The following DPP10 variants were observed in gnomAD, a reference collection of about 807,000 sequenced individuals.
DPP10 encodes the protein inactive dipeptidyl peptidase 10.
A neutral mutation model predicts 120.9 loss-of-function variants in DPP10; 33 were observed. The observed-to-expected ratio is 0.27, with a 90% CI of 0.21 to 0.37. The LOEUF is 0.37. Among genes scored for constraint, DPP10 ranks in the 10% least tolerant of loss-of-function variants. The pLI is 1.00. For missense variants in DPP10, 816 were observed against 942.8 expected (o/e 0.87, Z 1.76); for synonymous variants, 337 against 326.1 (o/e 1.03, Z -0.36).
chr2:115,351,449 C>T (rs1034588177), intron 3 of DPP10, among the ~76,000 whole-genome samples: 1 of 151,964 alleles, frequency 6.6e-6, no homozygotes, highest in Non-Finnish European at 1.5e-5. Flanking sequence ...TAACTGGGAT[C>T]AATGAAGTCC....
chr2:115,381,809 G>T (rs2066388860), intron 3 of DPP10, among the ~76,000 whole-genome samples: 1 of 151,392 alleles, frequency 6.6e-6, no homozygotes, highest in African/African-American at 2.4e-5. Flanking sequence ...GGAGTACCCG[G>T]CCCTGTGAAG....
intron 1 of DPP10, among the ~76,000 whole-genome samples, chr2:114,465,111 C>G (rs11685217): frequency 0.065 from 9,870 of 152,082 alleles, 551 homozygotes; most frequent in African/African-American, 0.15. Flanking sequence ...TCAGAGACCT[C>G]GGTTCAGATT....
intron 1 of DPP10, among the ~76,000 whole-genome samples, chr2:115,241,628 T>C (rs1163048273): frequency 6.6e-6 from 1 of 152,212 alleles, no homozygotes; most frequent in Non-Finnish European, 1.5e-5. Context: ...GGCATCATCA[T>C]GAGAGAGACA....
intron 1 of DPP10, among the ~76,000 whole-genome samples, chr2:114,477,956 T>G (rs958721999): frequency 6.7e-6 from 1 of 149,486 alleles, no homozygotes; most frequent in African/African-American, 2.5e-5. Flanking sequence ...TACATATATG[T>G]GTGTATATGT....
intron 7 of DPP10, among the ~76,000 whole-genome samples, chr2:115,721,087 G>T (rs2092638207): frequency 6.6e-6 from 1 of 152,150 alleles, no homozygotes; most frequent in South Asian, 2.1e-4. Flanking sequence ...TCAAGTGGGA[G>T]ATACTAAAAC....
At chr2:115,735,246 A>G (rs921975147) in intron 8 of DPP10, among the ~76,000 whole-genome samples, 9 of 152,142 alleles carry the variant, frequency 5.9e-5, no homozygotes, top group African/African-American at 1.9e-4. Context: ...CTCATCTGCT[A>G]TTGTTTCATT....
intron 2 of DPP10, among the ~76,000 whole-genome samples, chr2:115,316,282 C>T (rs1042219072): frequency 2.0e-5 from 3 of 152,188 alleles, no homozygotes; most frequent in South Asian, 4.1e-4. Context: ...CTCGATCACT[C>T]TCTCAGGCAC....
intron 16 of DPP10, 125 bp downstream of exon 16, chr2:115,781,120 G>A (rs903227441): frequency 5.6e-6 from 4 of 709,962 alleles, no homozygotes; most frequent in Non-Finnish European, 8.4e-6. Context: ...TTTGTTAATA[G>A]GATATACATT....
chr2:114,887,909 G>A (rs1692202662), intron 1 of DPP10, among the ~76,000 whole-genome samples: 2 of 152,282 alleles, frequency 1.3e-5, no homozygotes, highest in Admixed American at 1.3e-4. Flanking sequence ...GGAGGCTGAG[G>A]CGGGTGGATC....
At chr2:115,609,227 A>T (rs539274444) in intron 5 of DPP10, among the ~76,000 whole-genome samples, 1 of 152,322 alleles carries the variant, frequency 6.6e-6, no homozygotes, top group Non-Finnish European at 1.5e-5. Context: ...AATAATTAGC[A>T]AGCTAGTGAT....
At chr2:115,264,423 C>T (rs937216949) in intron 1 of DPP10, among the ~76,000 whole-genome samples, 2 of 152,100 alleles carry the variant, frequency 1.3e-5, no homozygotes, top group African/African-American at 2.4e-5. Context: ...GGCAGGATCG[C>T]ATAAACAAGT....
At chr2:115,171,125 C>G (rs1013119189) in intron 1 of DPP10, among the ~76,000 whole-genome samples, 5 of 152,028 alleles carry the variant, frequency 3.3e-5, no homozygotes, top group African/African-American at 1.2e-4. Context: ...CTTTGGAAGG[C>G]CGAGGCAGGT....
At chr2:115,489,351 A>G (rs1299589387) in intron 3 of DPP10, among the ~76,000 whole-genome samples, 1 of 151,882 alleles carries the variant, frequency 6.6e-6, no homozygotes, top group Non-Finnish European at 1.5e-5. Flanking sequence ...AACAGACCAA[A>G]CAGACTCTCT....
intron 5 of DPP10, among the ~76,000 whole-genome samples, chr2:115,655,339 G>A (rs2088201582): frequency 6.6e-6 from 1 of 151,616 alleles, no homozygotes; most frequent in African/African-American, 2.4e-5. Flanking sequence ...TTGCTTTGAT[G>A]CTGTATGTCT....
intron 3 of DPP10, among the ~76,000 whole-genome samples, chr2:115,355,694 A>G (rs1228163963): frequency 6.6e-6 from 1 of 152,142 alleles, no homozygotes. Context: ...GTTGGGTTTT[A>G]TATTTAAGTC....
chr2:115,305,087 G>T (rs985814607), intron 1 of DPP10, among the ~76,000 whole-genome samples: 2 of 151,988 alleles, frequency 1.3e-5, no homozygotes, highest in East Asian at 3.9e-4. Context: ...CCACCGGGGG[G>T]CTCATTTACA....
At chr2:114,550,834 G>T (rs759198471) in intron 1 of DPP10, among the ~76,000 whole-genome samples, 2 of 152,154 alleles carry the variant, frequency 1.3e-5, no homozygotes, top group Non-Finnish European at 2.9e-5. Context: ...ACTTGCAACT[G>T]AATCATGGGG....
intron 1 of DPP10, among the ~76,000 whole-genome samples, chr2:114,934,815 G>A (rs1574516663): frequency 6.6e-6 from 1 of 151,976 alleles, no homozygotes; most frequent in East Asian, 1.9e-4. Flanking sequence ...GAAATAATGG[G>A]GCTAGGCTAG....
chr2:115,723,117 T>A (rs1194059368), intron 7 of DPP10, among the ~76,000 whole-genome samples: 3 of 152,130 alleles, frequency 2.0e-5, no homozygotes, highest in Non-Finnish European at 4.4e-5. Flanking sequence ...AGAAGACTAT[T>A]TTGAAAGGAA....
Sources: gnomAD v4.1 joint callset for allele counts (sites outside exome capture counted in the v4.1 genomes callset) on GRCh38, gnomAD v4.1.1 for gene constraint, MANE v1.5 for transcripts, NCBI Gene and HGNC (gene_info 2026-07-23, HGNC 2026-07-21) for gene names.